Variants in PIGK observed in about 807,000 individuals in gnomAD.
PIGK encodes phosphatidylinositol glycan anchor biosynthesis class K, also known as GPI-anchor transamidase.
In PIGK, 42 loss-of-function variants were observed where a neutral mutation model predicts 50.6. The ratio of observed to expected loss-of-function variants is 0.83; its 90% CI spans 0.65 to 1.07. The LOEUF (loss-of-function observed/expected upper bound fraction) is 1.07. Among genes scored for constraint, PIGK ranks in the 50% least tolerant of loss-of-function variants. PIGK has a pLI of 0.00. For missense variants in PIGK, 448 were observed against 488.7 expected, an observed-to-expected ratio of 0.92 and a Z score of 0.78; for synonymous variants, 151 against 156.0, an observed-to-expected ratio of 0.97 and a Z score of 0.24.
At chr1:77,144,530 C>A (rs558149395) in intron 9 of PIGK, among the ~76,000 whole-genome samples, 5 of 151,918 alleles carry the variant, frequency 3.3e-5, no homozygotes, top group South Asian at 4.2e-4. Context: ...AACTACTACT[C>A]CTAGTAAACA....
intron 3 of PIGK, among the ~76,000 whole-genome samples, chr1:77,171,888 T>C (rs890279623): frequency 6.6e-6 from 1 of 152,122 alleles, no homozygotes; most frequent in Non-Finnish European, 1.5e-5. Flanking sequence ...ACAAACTACG[T>C]AGGCTTATAG....
chr1:77,211,178 T>C (rs1480480190), intron 1 of PIGK, among the ~76,000 whole-genome samples: 3 of 152,040 alleles, frequency 2.0e-5, no homozygotes, highest in Non-Finnish European at 4.4e-5. Flanking sequence ...CAATGTAAGC[T>C]TCAGTAAGGC....
intron 9 of PIGK, 181 bp downstream of exon 9, chr1:77,154,268 T>G: frequency 1.8e-6 from 1 of 570,730 alleles, no homozygotes; most frequent in Non-Finnish European, 3.1e-6. Context: ...TAGTTTCCAC[T>G]AATATTGATA....
At chr1:77,152,429 C>A (rs1042218662) in intron 9 of PIGK, among the ~76,000 whole-genome samples, 2 of 151,954 alleles carry the variant, frequency 1.3e-5, no homozygotes, top group Admixed American at 6.6e-5. Context: ...TGTTCCAGGA[C>A]ATTATTCTGG....
chr1:77,169,578 T>G (rs1557812695), intron 3 of PIGK, among the ~76,000 whole-genome samples, 183 bp from the exon 4 acceptor site: 1 of 150,398 alleles, frequency 6.6e-6, no homozygotes, highest in Non-Finnish European at 1.5e-5. Flanking sequence ...TATTTTAAAG[T>G]AGAGAAATTA....
rs1056679576 is a variant in PIGK at position 77,161,823 on chromosome 1, C to T, written c.585-112G>A. The T allele has an allele frequency of 1.7e-4, 111 of 667,178 alleles. 2 individuals carry two copies. The highest frequency in any genetic ancestry group is 4.1e-4 in the Admixed American group (17 of 41,502). The allele number at this position is 667,178 out of a possible 1,614,324, so 41.3% of individuals were successfully genotyped here. A position where few individuals can be genotyped will look rare whatever the true frequency, so the allele number is the denominator to read the frequency against. ...AATCATATCTTAGTCATTTCATTAG[C>T]TAAAAGTTTTCAGCAGAATTCCCAA... is the stretch of plus-strand genomic sequence containing the variant. On this transcript the variant is annotated intron_variant, in intron 6 of 10. Transcript: ENST00000370812.
chr1:77,130,212 T>C (rs1316204642), intron 9 of PIGK, among the ~76,000 whole-genome samples: 1 of 135,004 alleles, frequency 7.4e-6, no homozygotes, highest in African/African-American at 2.8e-5. Flanking sequence ...TTTTGCTATA[T>C]ATGATATTCT....
chr1:77,124,437 C>T (rs1346379946), intron 9 of PIGK, among the ~76,000 whole-genome samples: 2 of 151,966 alleles, frequency 1.3e-5, no homozygotes, highest in African/African-American at 2.4e-5. Context: ...AGTGAAACCT[C>T]GTCTCTACTA....
intron 10 of PIGK, among the ~76,000 whole-genome samples, chr1:77,110,800 AACT>A (rs1653823349): frequency 6.6e-6 from 1 of 152,222 alleles, no homozygotes; most frequent in Non-Finnish European, 1.5e-5. Context: ...CAGCAAAAGA[AACT>A]ACTATCAGAG....
intron 10 of PIGK, among the ~76,000 whole-genome samples, chr1:77,099,500 C>T (rs1046377658): frequency 4.6e-5 from 7 of 152,096 alleles, no homozygotes; most frequent in African/African-American, 1.4e-4. Context: ...AGAAACACTG[C>T]AGCAACACTG....
In PIGK at chr1:77,161,655, C is replaced by G; in HGVS notation, c.641G>C (p.Arg214Pro). ...DTCQGASMYE[R>P]FYSPNIMALA... ...AGCCATTATGTTAGGAGAATAAAAT[C>G]GTTCATACATGGATGCTCCTTGGCA... The change falls in exon 7 of 11, where the codon CGA becomes CCA. Residue 214 changes from arginine to proline, a missense_variant. Transcript: ENST00000370812. The G allele has an allele frequency of 6.3e-7, 1 of 1,592,530 alleles. No homozygotes were observed. The highest frequency in any genetic ancestry group is 8.6e-7 in the Non-Finnish European group (1 of 1,160,532).
rs1653280683 is a variant in PIGK, at chr1:77,090,892, A to G, written c.*1482T>C. 1 of 152,210 alleles carries G rather than the reference A, an allele frequency of 6.6e-6. No individual in the cohort carries two copies. The highest frequency in any genetic ancestry group is 1.5e-5 in the Non-Finnish European group (1 of 68,030). The allele number at this position is 152,210 out of a possible 1,614,324, so 9.4% of individuals were successfully genotyped here. ...AGAGCTGGCAAAAAGCCTCAATATCATTTGTTCTAACTAGGGAGATAACAC... is the reference window on the plus strand; with the variant it reads ...AGAGCTGGCAAAAAGCCTCAATATCGTTTGTTCTAACTAGGGAGATAACAC... On this transcript the variant is annotated 3_prime_UTR_variant, in exon 11 of 11. Coordinates refer to ENST00000370812, the MANE Select transcript of PIGK (RefSeq NM_005482.3).
At chr1:77,145,577 T>A (rs1654750453) in intron 9 of PIGK, among the ~76,000 whole-genome samples, 1 of 152,032 alleles carries the variant, frequency 6.6e-6, no homozygotes, top group African/African-American at 2.4e-5. Flanking sequence ...TACTCACGGA[T>A]TGTGAGGACT....
chr1:77,171,464 G>A (rs375662266), intron 3 of PIGK, among the ~76,000 whole-genome samples: 9,959 of 60,932 alleles, frequency 0.16, 3 homozygotes, highest in Non-Finnish European at 0.25. Context: ...AAAAAAAAAA[G>A]AATATTTCTT....
chr1:77,126,228 G>C (rs1654227330), intron 9 of PIGK, among the ~76,000 whole-genome samples: 1 of 151,942 alleles, frequency 6.6e-6, no homozygotes, highest in Admixed American at 6.6e-5. Context: ...CTTTCATTCT[G>C]TGTGTGTGTA....
At chr1:77,167,256 C>A (rs541450874) in intron 4 of PIGK, among the ~76,000 whole-genome samples, 261 of 152,192 alleles carry the variant, frequency 1.7e-3, no homozygotes, top group African/African-American at 6.0e-3. Flanking sequence ...AAGGCTGAGG[C>A]AGAAGGCTCA....
chr1:77,189,658 G>A (rs1400871655), intron 3 of PIGK, among the ~76,000 whole-genome samples: 1 of 142,866 alleles, frequency 7.0e-6, no homozygotes, highest in Admixed American at 7.2e-5. Flanking sequence ...ACAGCCTATT[G>A]TGGGACCTTG....
chr1:77,136,923 G>C (rs1570212944), intron 9 of PIGK, among the ~76,000 whole-genome samples: 1 of 151,920 alleles, frequency 6.6e-6, no homozygotes, highest in East Asian at 1.9e-4. Context: ...CTCCTTTCAG[G>C]TATGAGAAAT....
intron 1 of PIGK, among the ~76,000 whole-genome samples, chr1:77,217,868 T>C (rs571936816): frequency 7.2e-5 from 11 of 152,126 alleles, no homozygotes; most frequent in Non-Finnish European, 1.2e-4. Context: ...GTATAAAATA[T>C]TGTAATGTGA....
Sources: allele counts gnomAD v4.1 joint callset (sites outside exome capture counted in the v4.1 genomes callset), GRCh38; gene constraint gnomAD v4.1.1; transcripts MANE v1.5; gene names NCBI Gene and HGNC (gene_info 2026-07-23, HGNC 2026-07-21).